The following ZBTB5 variants were observed in gnomAD, a reference collection of about 807,000 sequenced individuals.
ZBTB5 encodes the protein zinc finger and BTB domain-containing protein 5.
Under a neutral mutation model 37.9 loss-of-function variants are expected in ZBTB5, and 15 were observed. The ratio of observed to expected loss-of-function variants is 0.40; its 90% CI spans 0.26 to 0.61. ZBTB5 has a LOEUF of 0.61. Among genes scored for constraint, ZBTB5 ranks in the 20% least tolerant of loss-of-function variants. The pLI, the probability that ZBTB5 is intolerant of heterozygous loss-of-function variation, is 0.47. For synonymous variants in ZBTB5, 315 were observed against 312.4 expected, an observed-to-expected ratio of 1.01 and a Z score of -0.09; for missense variants, 708 against 856.8, an observed-to-expected ratio of 0.83 and a Z score of 2.17.
At chr9:37,460,010 A>AT (rs966510822) in intron 1 of ZBTB5, among the ~76,000 whole-genome samples, 7 of 150,564 alleles carry the variant, frequency 4.6e-5, no homozygotes, top group South Asian at 2.1e-4. Flanking sequence ...GCGCCAGGCC[A>AT]TTTTTTTTAA....
In ZBTB5 at chr9:37,441,919, CTCA is replaced by C. The variant is rs776303816; in HGVS notation, c.630_632del (p.Asp210del). ...CCGGTGTAACATCTGAAATGGCAGA[CTCA>C]TCTATGGAGGGTCGGAGGCGCTGCC... is the stretch of plus-strand genomic sequence containing the variant. On this transcript the variant is annotated inframe_deletion, in exon 2 of 2. Transcript: ENST00000307750. 8.7e-6 allele frequency: 14 copies of C among 1,614,046 alleles called. No homozygotes were observed. The highest frequency in any genetic ancestry group is 1.0e-5 in the Non-Finnish European group (12 of 1,180,038).
In ZBTB5 at chr9:37,453,603, A is replaced by G. The variant is rs188095380; in HGVS notation, c.-4-11048T>C. Among the ~76,000 whole-genome samples, 297 of 152,336 alleles carry G rather than the reference A, an allele frequency of 1.9e-3. 2 individuals carry two copies. The highest frequency in any genetic ancestry group is 6.8e-3 in the African/African-American group (283 of 41,574). ...AGAGGGGGTCCCTCTATGTCATTGG[A>G]GAAAATCACTTCCCACCCATTCTTA... is the stretch of plus-strand genomic sequence containing the variant. On this transcript the variant is annotated intron_variant, in intron 1 of 1. Coordinates refer to ENST00000307750, the MANE Select transcript of ZBTB5 (RefSeq NM_014872.3).
At chr9:37,462,685 T>C (rs1005879007) in intron 1 of ZBTB5, among the ~76,000 whole-genome samples, 4 of 151,738 alleles carry the variant, frequency 2.6e-5, no homozygotes, top group Non-Finnish European at 5.9e-5. Flanking sequence ...CGCCTCGGCC[T>C]CCTGAGTAGC....
rs750222973 is a variant in ZBTB5, at chr9:37,441,117, C to T, written c.1435G>A (p.Val479Ile). The T allele has an allele frequency of 1.9e-6, 3 of 1,613,882 alleles. No homozygotes were observed. In the African/African-American group the frequency reaches 4.0e-5, roughly 22 times the overall value. Residue 479 changes from valine to isoleucine, a missense_variant, in exon 2 of 2, where the codon GTC (valine) becomes ATC (isoleucine). Physicochemically the swap from Val to Ile is conservative, Grantham distance 29. This residue lies in a region of ZBTB5 where 639 missense variants were observed against 690.5 expected (regional missense o/e 0.93). Coordinates refer to ENST00000307750, the MANE Select transcript of ZBTB5 (RefSeq NM_014872.3). ...CCCATCACCTCCTGCATAGGCCTGA[C>T]GAAGTGGGAGTCTGCAGGTTCACTA... is the stretch of plus-strand genomic sequence containing the variant. ...PFSEPADSHF[V>I]RPMQEVMGLP...
chr9:37,462,456 C>T (rs1824311461), intron 1 of ZBTB5, among the ~76,000 whole-genome samples: 4 of 152,156 alleles, frequency 2.6e-5, no homozygotes, highest in Non-Finnish European at 5.9e-5. Flanking sequence ...GCATGCTTTC[C>T]TCTGACTGAT....
At chr9:37,442,625 A>T (rs1308987911) in intron 1 of ZBTB5, 70 bp from the exon 2 acceptor site, 2 of 1,302,580 alleles carry the variant, frequency 1.5e-6, no homozygotes, top group Non-Finnish European at 2.1e-6. Context: ...AAAGGGTATG[A>T]TGAAAAGAGT....
intron 1 of ZBTB5, among the ~76,000 whole-genome samples, chr9:37,445,721 TGAG>T (rs1475745640): frequency 6.6e-6 from 1 of 152,048 alleles, no homozygotes; most frequent in East Asian, 1.9e-4. Flanking sequence ...TGGTTGCCTC[TGAG>T]GAGTGGGTAA....
At position 37,440,729 on chromosome 9, in the gene ZBTB5, T is replaced by C. The variant is rs765339527; in HGVS notation, c.1823A>G (p.Glu608Gly). The C allele has an allele frequency of 6.2e-7, 1 of 1,614,262 alleles. No individual in the cohort carries two copies. Among genetic ancestry groups the C allele is most frequent in the Non-Finnish European group, 8.5e-7 (1 of 1,180,048 alleles). ...TTTGCAGGCATACTTGCGAGCTCCCTCTACAACCAAAACATTGTGCTCTGA... is the reference window on the plus strand; with the variant it reads ...TTTGCAGGCATACTTGCGAGCTCCCCCTACAACCAAAACATTGTGCTCTGA... ...ALSEHNVLVV[E>G]GARKYACKIC... Residue 608 changes from glutamate to glycine, a missense_variant, in exon 2 of 2, where the codon GAG becomes GGG. This residue lies in a region of ZBTB5 where 42 missense variants were observed against 107.9 expected (regional missense o/e 0.39). Coordinates refer to ENST00000307750, the MANE Select transcript of ZBTB5 (RefSeq NM_014872.3).
intron 1 of ZBTB5, among the ~76,000 whole-genome samples, chr9:37,454,401 G>T (rs1824152382): frequency 6.6e-6 from 1 of 152,166 alleles, no homozygotes; most frequent in African/African-American, 2.4e-5. Context: ...TCTTTAAAAG[G>T]CTCCAAAATG....
chr9:37,452,449 A>G (rs947819719), intron 1 of ZBTB5, among the ~76,000 whole-genome samples: 3 of 152,232 alleles, frequency 2.0e-5, no homozygotes, highest in Non-Finnish European at 2.9e-5. Flanking sequence ...ATAGCAGTGT[A>G]TATCACTACT....
chr9:37,447,299 A>C (rs186281438), intron 1 of ZBTB5, among the ~76,000 whole-genome samples: 125 of 152,278 alleles, frequency 8.2e-4, no homozygotes, highest in African/African-American at 2.9e-3. Flanking sequence ...AGCATGGGGG[A>C]AACCACCCCC....
At chr9:37,451,267 C>T (rs1210459709) in intron 1 of ZBTB5, among the ~76,000 whole-genome samples, 2 of 151,902 alleles carry the variant, frequency 1.3e-5, no homozygotes, top group African/African-American at 4.8e-5. Flanking sequence ...ACTACTGATT[C>T]GTTAAATGAT....
chr9:37,440,413 G>C lies in ZBTB5; in HGVS notation c.*105C>G. The C allele has an allele frequency of 2.2e-6, 2 of 889,310 alleles. No homozygotes were observed. Among genetic ancestry groups the C allele is most frequent in the East Asian group, 2.6e-5 (1 of 38,234 alleles). The allele number at this position is 889,310 out of a possible 1,614,324, so 55.1% of individuals were successfully genotyped here. A position where few individuals can be genotyped will look rare whatever the true frequency, so the allele number is the denominator to read the frequency against. ...GGTTATTAGTTGCTAAACTGTTTAA[G>C]AGCCACTGGGCAGCTGGAAGCCTCG... On this transcript the variant is annotated 3_prime_UTR_variant, in exon 2 of 2. Coordinates refer to ENST00000307750, the MANE Select transcript of ZBTB5 (RefSeq NM_014872.3).
intron 1 of ZBTB5, 76 bp from the exon 2 acceptor site, chr9:37,442,631 A>G: frequency 1.6e-6 from 2 of 1,235,962 alleles, no homozygotes; most frequent in Non-Finnish European, 2.2e-6. Context: ...TATGATGAAA[A>G]GAGTGGAATG....
rs982072074 is a variant in ZBTB5 at position 37,450,954 on chromosome 9, T to C, written c.-4-8399A>G. Among the ~76,000 whole-genome samples the C allele has an allele frequency of 4.6e-5, 7 of 151,766 alleles. No homozygotes were observed. In the South Asian group the frequency reaches 1.2e-3, roughly 27 times the overall value. On this transcript the variant is annotated intron_variant, in intron 1 of 1. Transcript: ENST00000307750. ...ATTAGCTAAGAGTTGAAAATGGTAG[T>C]CTTGGAGAAGAGAAAATGGAAAACA...
chr9:37,462,110 G>A (rs2768661), intron 1 of ZBTB5, among the ~76,000 whole-genome samples: 89,678 of 151,932 alleles, frequency 0.59, 28,459 homozygotes, highest in East Asian at 0.86. Flanking sequence ...GGGACTACAG[G>A]TGTGTGCCAC....
At chr9:37,444,047 C>T (rs1338404197) in intron 1 of ZBTB5, among the ~76,000 whole-genome samples, 1 of 152,170 alleles carries the variant, frequency 6.6e-6, no homozygotes, top group Non-Finnish European at 1.5e-5. Flanking sequence ...TGGGCCACTG[C>T]ACTCCAGCCT....
At chr9:37,460,757 C>G (rs556260151) in intron 1 of ZBTB5, among the ~76,000 whole-genome samples, 2 of 151,906 alleles carry the variant, frequency 1.3e-5, no homozygotes, top group Non-Finnish European at 2.9e-5. Flanking sequence ...GTCCCAGCTA[C>G]TTGGGAGGCT....
At chr9:37,447,412 T>C (rs996948045) in intron 1 of ZBTB5, among the ~76,000 whole-genome samples, 1 of 152,208 alleles carries the variant, frequency 6.6e-6, no homozygotes, top group African/African-American at 2.4e-5. Flanking sequence ...AGTAACAGTC[T>C]CACTGGTGAC....
Sources: gnomAD v4.1 joint callset for allele counts (sites outside exome capture counted in the v4.1 genomes callset) on GRCh38, gnomAD v4.1.1 for gene constraint, gnomAD v4.1.1 regional missense constraint, MANE v1.5 for transcripts, NCBI Gene and HGNC (gene_info 2026-07-23, HGNC 2026-07-21) for gene names.